Variants in TPP2 observed in about 807,000 individuals in gnomAD.
TPP2 encodes tripeptidyl-peptidase 2.
In TPP2, 34 loss-of-function variants were observed where a neutral mutation model predicts 155.9. That is an observed-to-expected ratio of 0.22 (90% CI 0.17 to 0.29). TPP2 has a LOEUF of 0.29. Ranked by LOEUF, TPP2 falls within the 10% of genes least tolerant of loss-of-function variation. TPP2 has a pLI of 1.00. For synonymous variants in TPP2, 510 were observed against 529.4 expected, an observed-to-expected ratio of 0.96 and a Z score of 0.50; for missense variants, 1,028 against 1,522.3, an observed-to-expected ratio of 0.68 and a Z score of 5.40.
chr13:102,605,617 C>T (rs930409487), intron 2 of TPP2, among the ~76,000 whole-genome samples: 1 of 151,704 alleles, frequency 6.6e-6, no homozygotes, highest in Admixed American at 6.6e-5. Flanking sequence ...GTTTTACTGT[C>T]CCTTCATAGT....
chr13:102,629,310 C>T (rs964688476), intron 8 of TPP2, among the ~76,000 whole-genome samples, 172 bp from the exon 9 acceptor site: 1 of 152,186 alleles, frequency 6.6e-6, no homozygotes, highest in Non-Finnish European at 1.5e-5. Flanking sequence ...ATAACTGCTT[C>T]CCTACCCTAA....
chr13:102,644,492 T>C, intron 17 of TPP2, 65 bp from the exon 18 acceptor site: 1 of 1,359,208 alleles, frequency 7.4e-7, no homozygotes, highest in Admixed American at 2.1e-5. Context: ...AAACAGCTAG[T>C]ATTTATATTC....
chr13:102,678,150 AC>A, intron 29 of TPP2, 76 bp from the exon 30 acceptor site: 1 of 1,375,704 alleles, frequency 7.3e-7, no homozygotes. Context: ...ACTATTTAAT[AC>A]AGAATTTATT....
At chr13:102,627,433 TAAAAA>T (rs1566336565) in intron 7 of TPP2, among the ~76,000 whole-genome samples, 1 of 152,114 alleles carries the variant, frequency 6.6e-6, no homozygotes, top group Admixed American at 6.6e-5. Context: ...TTGAGATACT[TAAAAA>T]GAAAGACCTC....
At chr13:102,666,880 T>G (rs1309412610) in intron 27 of TPP2, among the ~76,000 whole-genome samples, 4 of 149,294 alleles carry the variant, frequency 2.7e-5, no homozygotes, top group African/African-American at 7.4e-5. Context: ...CCATAAAACT[T>G]TGTAAAAACG....
intron 27 of TPP2, among the ~76,000 whole-genome samples, chr13:102,673,359 G>C (rs956779395): frequency 4.6e-5 from 7 of 152,164 alleles, no homozygotes; most frequent in African/African-American, 1.7e-4. Flanking sequence ...TTGTTCCACA[G>C]CTAAGTGCCT....
chr13:102,625,269 A>G (rs568841439), intron 6 of TPP2, among the ~76,000 whole-genome samples: 1 of 144,314 alleles, frequency 6.9e-6, no homozygotes, highest in Non-Finnish European at 1.5e-5. Context: ...GGTTCATGCC[A>G]TTCTCTTGCC....
chr13:102,668,352 C>A lies in TPP2; in HGVS notation c.3371+3427C>A, dbSNP rs1454015257. 2.6e-5 allele frequency among the ~76,000 whole-genome samples: 4 copies of A among 152,182 alleles called. No individual in the cohort carries two copies. The East Asian group carries it at 7.7e-4, about 29-fold the overall frequency. On this transcript the variant is annotated intron_variant, in intron 27 of 29. Coordinates refer to ENST00000376052, the MANE Select transcript of TPP2 (RefSeq NM_001330588.2). ...CTCTGACCAATTTCCTACATCTCCCCATTTTCTGTTTTTTTGCATCAGGTT... is the reference window on the plus strand; with the variant it reads ...CTCTGACCAATTTCCTACATCTCCCAATTTTCTGTTTTTTTGCATCAGGTT...
intron 2 of TPP2, among the ~76,000 whole-genome samples, chr13:102,612,680 C>T (rs1017741278): frequency 1.3e-5 from 2 of 152,076 alleles, no homozygotes; most frequent in South Asian, 2.1e-4. Context: ...AGTCTGCCTT[C>T]GTGGTAAGGA....
In TPP2 at chr13:102,614,505, C is replaced by CT. The variant is rs1004559862; in HGVS notation, c.390+317dup. On this transcript the variant is annotated intron_variant, in intron 3 of 29. Transcript: ENST00000376052. ...TAGCTTTCACTGGATTTTTGAAGGACTTTTTTTTACTTGAAAAAGGCTAAA... is the reference window on the plus strand; with the variant it reads ...TAGCTTTCACTGGATTTTTGAAGGACTTTTTTTTTACTTGAAAAAGGCTAAA... Among the ~76,000 whole-genome samples, 11 of 152,038 alleles carry CT rather than the reference C, an allele frequency of 7.2e-5. No homozygotes were observed. The South Asian group carries it at 8.3e-4, about 11-fold the overall frequency.
chr13:102,607,641 C>T, intron 2 of TPP2: 3 of 448,916 alleles, frequency 6.7e-6, no homozygotes. Flanking sequence ...GGTTGAAGTA[C>T]AATGGCACAA....
chr13:102,674,525 TG>T, intron 28 of TPP2, 35 bp downstream of exon 28: 6 of 1,608,226 alleles, frequency 3.7e-6, no homozygotes, highest in Non-Finnish European at 5.1e-6. Context: ...GCAAAGTTCT[TG>T]GGGTTACCTC....
At chr13:102,609,257 C>T (rs1880080113) in intron 2 of TPP2, among the ~76,000 whole-genome samples, 1 of 151,610 alleles carries the variant, frequency 6.6e-6, no homozygotes, top group Non-Finnish European at 1.5e-5. Flanking sequence ...ACTCACAGTC[C>T]TACAGGCTTA....
intron 28 of TPP2, among the ~76,000 whole-genome samples, chr13:102,675,007 A>G (rs548306318): frequency 2.6e-5 from 4 of 152,226 alleles, no homozygotes; most frequent in Non-Finnish European, 5.9e-5. Context: ...TTGGTTACAA[A>G]AACATTTTAA....
chr13:102,674,804 G>T (rs369437502), intron 28 of TPP2, among the ~76,000 whole-genome samples: 1 of 152,136 alleles, frequency 6.6e-6, no homozygotes, highest in Non-Finnish European at 1.5e-5. Context: ...ATGCCTTCAG[G>T]CCCACCCTTC....
chr13:102,673,282 G>C (rs1885093673), intron 27 of TPP2, among the ~76,000 whole-genome samples: 1 of 152,190 alleles, frequency 6.6e-6, no homozygotes, highest in Non-Finnish European at 1.5e-5. Context: ...TGATGGTACA[G>C]TCCCGGCAGT....
chr13:102,665,776 A>C (rs1884555467), intron 27 of TPP2, among the ~76,000 whole-genome samples: 2 of 152,204 alleles, frequency 1.3e-5, no homozygotes, highest in Admixed American at 6.5e-5. Flanking sequence ...AGGCTACCTG[A>C]AAATACTAAA....
chr13:102,662,069 AT>A (rs777424300), intron 25 of TPP2, among the ~76,000 whole-genome samples: 26 of 152,204 alleles, frequency 1.7e-4, no homozygotes, highest in African/African-American at 5.5e-4. Context: ...CATACAGGGG[AT>A]TCCTTTTCAG....
chr13:102,609,461 G>A (rs1055326104), intron 2 of TPP2, among the ~76,000 whole-genome samples: 5 of 142,846 alleles, frequency 3.5e-5, no homozygotes, highest in Non-Finnish European at 3.0e-5. Flanking sequence ...GCAATGGCGC[G>A]ATCTCAACTC....
Sources: gnomAD v4.1 joint callset for allele counts (sites outside exome capture counted in the v4.1 genomes callset) on GRCh38, gnomAD v4.1.1 for gene constraint, MANE v1.5 for transcripts, NCBI Gene and HGNC (gene_info 2026-07-23, HGNC 2026-07-21) for gene names.